Variants in AK8 observed in about 807,000 individuals in gnomAD.
AK8 encodes adenylate kinase 8.
A neutral mutation model predicts 54.6 loss-of-function variants in AK8; 44 were observed. The ratio of observed to expected loss-of-function variants is 0.81; its 90% CI spans 0.63 to 1.04. The LOEUF (loss-of-function observed/expected upper bound fraction) is 1.04, where lower values mean the gene tolerates loss of function less well. Among genes scored for constraint, AK8 ranks in the 50% least tolerant of loss-of-function variants. AK8 has a pLI of 0.00. For synonymous variants in AK8, 239 were observed against 245.6 expected, an observed-to-expected ratio of 0.97 and a Z score of 0.25; for missense variants, 555 against 613.6, an observed-to-expected ratio of 0.90 and a Z score of 1.01.
At chr9:132,730,280 A>T (rs915307666) in intron 11 of AK8, among the ~76,000 whole-genome samples, 1 of 152,286 alleles carries the variant, frequency 6.6e-6, no homozygotes, top group African/African-American at 2.4e-5. Flanking sequence ...ACTGGTTCCC[A>T]TGGGGCCCAG....
At chr9:132,806,480 G>T (rs1374313331) in intron 10 of AK8, among the ~76,000 whole-genome samples, 4 of 152,058 alleles carry the variant, frequency 2.6e-5, no homozygotes, top group Admixed American at 1.3e-4. Flanking sequence ...GCAAAGGCTT[G>T]CTGGAAACGG....
intron 1 of AK8, among the ~76,000 whole-genome samples, chr9:132,876,891 T>C: frequency 6.6e-6 from 1 of 151,820 alleles, no homozygotes; most frequent in East Asian, 1.9e-4. Context: ...AGACCTCGTC[T>C]GTACTAAAAT....
rs1166331526 is a variant in AK8 at position 132,826,562 on chromosome 9, C to G, written c.757+292G>C. Among the ~76,000 whole-genome samples, 1 of 152,216 alleles carries G rather than the reference C, an allele frequency of 6.6e-6. No homozygotes were observed. The highest frequency in any genetic ancestry group is 1.5e-5 in the Non-Finnish European group (1 of 68,034). On this transcript the variant is annotated intron_variant, in intron 8 of 12. Transcript: ENST00000298545. This position sits in a 1 kb window ranked among gnomAD's most constrained non-coding sequence, Gnocchi z 4.5. Reference sequence around the variant, plus strand: ...GCTACCATGTCCCTCCCACCCCATCCCTTGCCTCTCCTCCTCCCGACCCCA... The same window carrying G: ...GCTACCATGTCCCTCCCACCCCATCGCTTGCCTCTCCTCCTCCCGACCCCA...
At chr9:132,846,504 GATGAATGAATGAATGAATGAATGAATGA>G (rs56358230) in intron 5 of AK8, among the ~76,000 whole-genome samples, 6 of 150,872 alleles carry the variant, frequency 4.0e-5, no homozygotes, top group African/African-American at 9.8e-5. Flanking sequence ...TGAGAGAATA[GATGAATGAATGAATGAATGAATGAATGA>G]ATGAATGAAT....
rs1024514792 is a variant in AK8, at chr9:132,826,386, G to A, written c.757+468C>T. The stretch of plus-strand genomic sequence containing the variant: ...GGACAGCAACGCAGTGCCAGGCGCG[G>A]GGCCATGTATCTCCATCCTAAATGA... On this transcript the variant is annotated intron_variant, in intron 8 of 12. Coordinates refer to ENST00000298545, the MANE Select transcript of AK8 (RefSeq NM_152572.3). The surrounding 1 kb of genome is among the most constrained non-coding windows in gnomAD (Gnocchi z 4.5). Among the ~76,000 whole-genome samples the A allele has an allele frequency of 6.6e-6, 1 of 152,180 alleles. No individual in the cohort carries two copies. Among genetic ancestry groups the A allele is most frequent in the Non-Finnish European group, 1.5e-5 (1 of 68,032 alleles).
At chr9:132,854,781 G>T in intron 5 of AK8, 76 bp downstream of exon 5, 1 of 1,481,260 alleles carries the variant, frequency 6.8e-7, no homozygotes, top group Non-Finnish European at 9.4e-7. Flanking sequence ...GTCATCTCTG[G>T]TCTTGGAGAT....
intron 1 of AK8, among the ~76,000 whole-genome samples, chr9:132,876,074 G>A (rs939605671): frequency 6.6e-6 from 1 of 152,200 alleles, no homozygotes; most frequent in South Asian, 2.1e-4. Context: ...GGACAAGGAG[G>A]GAGGGGCTGT....
chr9:132,761,092 A>G (rs1838437111), intron 11 of AK8, among the ~76,000 whole-genome samples: 1 of 152,076 alleles, frequency 6.6e-6, no homozygotes, highest in African/African-American at 2.4e-5. Flanking sequence ...TGTTTTCTGA[A>G]AAGAGTTTGT....
chr9:132,777,106 C>A (rs1839254136), intron 11 of AK8, among the ~76,000 whole-genome samples: 3 of 152,152 alleles, frequency 2.0e-5, no homozygotes, highest in Admixed American at 1.3e-4. Flanking sequence ...GCAAAGCCAG[C>A]CCAGGGGAAG....
chr9:132,845,818 G>A (rs564477749), intron 5 of AK8, among the ~76,000 whole-genome samples: 28 of 151,832 alleles, frequency 1.8e-4, no homozygotes, highest in African/African-American at 6.5e-4. Flanking sequence ...GATCACTGAG[G>A]GCATGTTTGG....
intron 4 of AK8, 124 bp from the exon 5 acceptor site, chr9:132,855,049 C>G: frequency 2.2e-6 from 2 of 911,330 alleles, no homozygotes; most frequent in Non-Finnish European, 3.5e-6. Context: ...CATCGGGCCC[C>G]GCCCTTCCTC....
Position 132,770,498 on chromosome 9 carries a change from G to A in AK8, c.1121+22136C>T, listed in dbSNP as rs1838917796. ...GGGACACCCTGTGGAGGAGCGGGCT[G>A]GGAGCGCGGGGGATGCCCCTCGCCC... On this transcript the variant is annotated intron_variant, in intron 11 of 12. Coordinates refer to ENST00000298545, the MANE Select transcript of AK8 (RefSeq NM_152572.3). The surrounding 1 kb of genome is among the most constrained non-coding windows in gnomAD (Gnocchi z 4.3). Among the ~76,000 whole-genome samples the A allele has an allele frequency of 6.6e-6, 1 of 152,224 alleles. No individual in the cohort carries two copies. Among genetic ancestry groups the A allele is most frequent in the African/African-American group, 2.4e-5 (1 of 41,468 alleles).
At chr9:132,798,291 G>A (rs1019318182) in intron 10 of AK8, among the ~76,000 whole-genome samples, 2 of 152,212 alleles carry the variant, frequency 1.3e-5, no homozygotes, top group Admixed American at 1.3e-4. Context: ...GAGGCTCGGT[G>A]TCTGTTTTGC....
chr9:132,878,697 G>T, upstream of AK8: 5 of 989,482 alleles, frequency 5.1e-6, no homozygotes, highest in African/African-American at 1.7e-5. The surrounding 1 kb of genome is among the most constrained non-coding windows in gnomAD (Gnocchi z 4.7). Flanking sequence ...GTGTTTGAAG[G>T]GGGAGGGGCG....
chr9:132,758,240 C>T (rs930750405), intron 11 of AK8, among the ~76,000 whole-genome samples: 3 of 152,134 alleles, frequency 2.0e-5, no homozygotes, highest in Non-Finnish European at 4.4e-5. Flanking sequence ...CACGAATACG[C>T]GGAGCCACAC....
intron 11 of AK8, among the ~76,000 whole-genome samples, chr9:132,745,260 T>C (rs1837587249): frequency 6.6e-6 from 1 of 152,106 alleles, no homozygotes; most frequent in Non-Finnish European, 1.5e-5. Context: ...GTTAGTTGAT[T>C]TGATGGGATG....
At chr9:132,824,726 T>C (rs1347913651) in intron 8 of AK8, among the ~76,000 whole-genome samples, 2 of 152,246 alleles carry the variant, frequency 1.3e-5, no homozygotes, top group African/African-American at 2.4e-5. Context: ...TCCTGAACTC[T>C]CAAATCTTTG....
In AK8 at chr9:132,800,919, C is replaced by CCTT. The variant is rs1554793659; in HGVS notation, c.980-8145_980-8144insAAG. On this transcript the variant is annotated intron_variant, in intron 10 of 12. Coordinates refer to ENST00000298545, the MANE Select transcript of AK8 (RefSeq NM_152572.3). ...CCAACAGTGAATATTTCAGTTTGTC[C>CCTT]TTTTTTTTTTTTTTTTTTTTGAGAC... Among the ~76,000 whole-genome samples, 14 of 123,806 alleles carry CCTT rather than the reference C, an allele frequency of 1.1e-4. 2 individuals are homozygous for CCTT. Among genetic ancestry groups the CCTT allele is most frequent in the Admixed American group, 1.8e-4 (2 of 11,428 alleles). 81.2% of individuals were successfully genotyped at this position (123,806 alleles called of 152,430 possible). A position where few individuals can be genotyped will look rare whatever the true frequency, so the allele number is the denominator to read the frequency against.
At chr9:132,848,104 A>G (rs2131364719) in intron 5 of AK8, among the ~76,000 whole-genome samples, 1 of 120,064 alleles carries the variant, frequency 8.3e-6, no homozygotes, top group East Asian at 2.6e-4. Flanking sequence ...CAACAGAGCA[A>G]CACCCTGTTT....
Sources: gnomAD v4.1 joint callset for allele counts (sites outside exome capture counted in the v4.1 genomes callset) on GRCh38, gnomAD v4.1.1 for gene constraint, Gnocchi (gnomAD v3.1) non-coding constraint, MANE v1.5 for transcripts, NCBI Gene and HGNC (gene_info 2026-07-23, HGNC 2026-07-21) for gene names.